The following MACROD2 variants were observed in gnomAD, a reference collection of about 807,000 sequenced individuals.
The protein encoded by MACROD2 is ADP-ribose glycohydrolase MACROD2.
In MACROD2, 36 loss-of-function variants were observed where a neutral mutation model predicts 70.4. That is an observed-to-expected ratio of 0.51 (90% CI 0.39 to 0.68). The LOEUF (loss-of-function observed/expected upper bound fraction) is 0.68, where lower values mean the gene tolerates loss of function less well. Ranked by LOEUF, MACROD2 falls within the 30% of genes least tolerant of loss-of-function variation. MACROD2 has a pLI of 0.00. For synonymous variants in MACROD2, 172 were observed against 178.8 expected (o/e 0.96, Z 0.30); for missense variants, 496 against 538.4 (o/e 0.92, Z 0.78).
intron 4 of MACROD2, among the ~76,000 whole-genome samples, chr20:14,522,247 TC>T (rs2085177330): frequency 9.2e-6 from 1 of 108,268 alleles, no homozygotes; most frequent in Non-Finnish European, 2.3e-5. Flanking sequence ...GATAGATAGG[TC>T]CTCAACATTA....
chr20:14,697,028 T>C (rs1600553065), intron 5 of MACROD2, among the ~76,000 whole-genome samples: 1 of 152,324 alleles, frequency 6.6e-6, no homozygotes, highest in African/African-American at 2.4e-5. Context: ...GAATATGGAA[T>C]TCAGGGATTG....
At chr20:14,532,872 A>G (rs1466551312) in intron 4 of MACROD2, among the ~76,000 whole-genome samples, 1 of 152,194 alleles carries the variant, frequency 6.6e-6, no homozygotes, top group Non-Finnish European at 1.5e-5. Context: ...AGTAGAAATT[A>G]TGGACATGCG....
intron 8 of MACROD2, among the ~76,000 whole-genome samples, chr20:15,623,701 T>TATCC (rs2049160629): frequency 1.3e-5 from 2 of 151,880 alleles, no homozygotes; most frequent in African/African-American, 2.4e-5. Context: ...TCTATCTATC[T>TATCC]ATCTATCTAT....
At chr20:15,183,226 A>G (rs991689980) in intron 5 of MACROD2, among the ~76,000 whole-genome samples, 1 of 152,116 alleles carries the variant, frequency 6.6e-6, no homozygotes, top group African/African-American at 2.4e-5. Context: ...CTACATTCCC[A>G]TTCCTCAGCA....
At chr20:14,426,205 C>G (rs1218347420) in intron 3 of MACROD2, among the ~76,000 whole-genome samples, 1 of 152,142 alleles carries the variant, frequency 6.6e-6, no homozygotes, top group East Asian at 1.9e-4. Flanking sequence ...GTTGGATCTA[C>G]TGGACTGGCC....
At chr20:14,108,234 T>A (rs1458584868) in intron 3 of MACROD2, among the ~76,000 whole-genome samples, 1 of 151,572 alleles carries the variant, frequency 6.6e-6, no homozygotes, top group South Asian at 2.1e-4. Context: ...TCACGGTAAC[T>A]TCAAATTGAA....
intron 15 of MACROD2, among the ~76,000 whole-genome samples, chr20:16,004,817 G>A (rs2066765715): frequency 6.6e-6 from 1 of 152,130 alleles, no homozygotes; most frequent in African/African-American, 2.4e-5. Context: ...CTTTCTCTTG[G>A]CCCCAGCACA....
chr20:14,058,867 C>T (rs2053661231), intron 2 of MACROD2, among the ~76,000 whole-genome samples: 1 of 152,120 alleles, frequency 6.6e-6, no homozygotes, highest in Admixed American at 6.5e-5. Context: ...TGGTCTCGAT[C>T]TCTTGACCTC....
At chr20:14,183,206 G>A (rs901721498) in intron 3 of MACROD2, among the ~76,000 whole-genome samples, 2 of 151,420 alleles carry the variant, frequency 1.3e-5, no homozygotes, top group African/African-American at 4.9e-5. Context: ...ATAGGCCCCA[G>A]TGTGTGTTGT....
chr20:14,737,195 C>T (rs188245324), intron 5 of MACROD2, among the ~76,000 whole-genome samples: 1 of 152,202 alleles, frequency 6.6e-6, no homozygotes, highest in Admixed American at 6.5e-5. Context: ...TGCGTGAGAA[C>T]ATGTGGTGTT....
At chr20:14,260,996 A>G (rs2082097004) in intron 3 of MACROD2, among the ~76,000 whole-genome samples, 1 of 152,222 alleles carries the variant, frequency 6.6e-6, no homozygotes. Context: ...AGGGAGATCT[A>G]CAGAGTACCA....
intron 3 of MACROD2, chr20:14,323,858 A>C (rs1358131675): frequency 6.6e-6 from 1 of 152,226 alleles, no homozygotes. Flanking sequence ...GGACAGTGGC[A>C]GCAGTGCGCC....
chr20:15,161,107 G>T (rs398998), intron 5 of MACROD2, among the ~76,000 whole-genome samples: 78,060 of 151,592 alleles, frequency 0.51, 20,190 homozygotes, highest in East Asian at 0.56. Flanking sequence ...CATGTGGATT[G>T]GACATGTCAG....
At chr20:15,971,133 G>A (rs969655766) in intron 13 of MACROD2, among the ~76,000 whole-genome samples, 1 of 152,144 alleles carries the variant, frequency 6.6e-6, no homozygotes, top group African/African-American at 2.4e-5. Flanking sequence ...TGTTTTGTGA[G>A]CAGAGGCACT....
intron 5 of MACROD2, among the ~76,000 whole-genome samples, chr20:15,144,928 A>G (rs201769043): frequency 2.0e-5 from 3 of 152,160 alleles, no homozygotes; most frequent in African/African-American, 4.8e-5. Flanking sequence ...AGTACTTACT[A>G]TAGAGCACAG....
chr20:14,495,293 A>C (rs1261078210), intron 4 of MACROD2, among the ~76,000 whole-genome samples: 1 of 152,136 alleles, frequency 6.6e-6, no homozygotes, highest in Non-Finnish European at 1.5e-5. Context: ...TTTCATACTT[A>C]GATGACCTCA....
At chr20:15,417,469 G>A (rs530055022) in intron 6 of MACROD2, among the ~76,000 whole-genome samples, 13 of 151,440 alleles carry the variant, frequency 8.6e-5, no homozygotes, top group Admixed American at 5.9e-4. Flanking sequence ...ATGCTGGTGC[G>A]TGCCTGTAGT....
chr20:15,003,457 T>C (rs954564724), intron 5 of MACROD2, among the ~76,000 whole-genome samples: 1 of 152,208 alleles, frequency 6.6e-6, no homozygotes, highest in African/African-American at 2.4e-5. Flanking sequence ...ATTAGATTTG[T>C]TATTAAACAG....
chr20:15,249,289 A>G (rs1019814979), intron 6 of MACROD2, among the ~76,000 whole-genome samples: 1 of 152,206 alleles, frequency 6.6e-6, no homozygotes, highest in Non-Finnish European at 1.5e-5. Flanking sequence ...TGACAGCCCA[A>G]GAGCTTCTGT....
Sources: allele counts gnomAD v4.1 joint callset (sites outside exome capture counted in the v4.1 genomes callset), GRCh38; gene constraint gnomAD v4.1.1; transcripts MANE v1.5; gene names NCBI Gene and HGNC (gene_info 2026-07-23, HGNC 2026-07-21).